The following TERB1 variants were observed in gnomAD, a reference collection of about 807,000 sequenced individuals.
The protein encoded by TERB1 is telomere repeats-binding bouquet formation protein 1.
In TERB1, 63 loss-of-function variants were observed where a neutral mutation model predicts 92.3. The observed-to-expected ratio is 0.68, with a 90% confidence interval of 0.56 to 0.84. The LOEUF is 0.84. Among genes scored for constraint, TERB1 ranks in the 40% least tolerant of loss-of-function variants. The pLI is 0.00. For synonymous variants in TERB1, 252 were observed against 283.9 expected (o/e 0.89, Z 1.13); for missense variants, 709 against 843.7 (o/e 0.84, Z 1.98).
intron 14 of TERB1, among the ~76,000 whole-genome samples, chr16:66,768,688 T>G (rs1051034228): frequency 6.6e-6 from 1 of 152,242 alleles, no homozygotes; most frequent in African/African-American, 2.4e-5. Flanking sequence ...ATAGCAGGCA[T>G]AGCAGTAGCT....
At position 66,759,279 on chromosome 16, in the gene TERB1, C is replaced by T; in HGVS notation, c.1792G>A (p.Val598Ile). ...LTYRCSGCIA[V>I]EKSLNSRNFS... ...TTTCGGCTATTCAGGGATTTTTCTA[C>T]TGCTATGCAACCTAAAAGAAAACAA... is the stretch of plus-strand genomic sequence containing the variant. The change falls in exon 17 of 19, where the codon GTA becomes ATA. Residue 598 changes from valine to isoleucine, a missense_variant. By Grantham distance (29) the Val-to-Ile change is conservative. Coordinates refer to ENST00000433154, the MANE Select transcript of TERB1 (RefSeq NM_001136505.2). 1 of 1,538,670 alleles carries T rather than the reference C, an allele frequency of 6.5e-7. No homozygotes were observed. Among genetic ancestry groups the T allele is most frequent in the South Asian group, 1.2e-5 (1 of 80,720 alleles).
chr16:66,787,283 CTT>C (rs58213946), intron 6 of TERB1, among the ~76,000 whole-genome samples: 91 of 137,858 alleles, frequency 6.6e-4, no homozygotes, highest in South Asian at 5.5e-3. Flanking sequence ...TTTTCTTTTT[CTT>C]TTTTTTTTTT....
intron 16 of TERB1, among the ~76,000 whole-genome samples, chr16:66,760,605 G>A (rs1426057928): frequency 7.5e-6 from 1 of 133,562 alleles, no homozygotes; most frequent in Non-Finnish European, 1.6e-5. Flanking sequence ...GGCCAATATG[G>A]TGAAACCCCA....
Position 66,755,014 on chromosome 16 carries a change from G to A in TERB1, c.2146C>T (p.His716Tyr). ...CACGTGGGGTGTTTGGTCAGCTTGT[G>A]GTATTTGTGAGCAAGGTCCACAGCC... is the stretch of plus-strand genomic sequence containing the variant. ...RKAVDLAHKYHKLTKHPTCAA... is the reference protein window; with the variant it reads ...RKAVDLAHKYYKLTKHPTCAA... The change falls in exon 19 of 19, where the codon CAC (histidine) becomes TAC (tyrosine). Residue 716 changes from histidine to tyrosine, a missense_variant. Coordinates refer to ENST00000433154, the MANE Select transcript of TERB1 (RefSeq NM_001136505.2). The A allele has an allele frequency of 6.4e-7, 1 of 1,551,326 alleles. No homozygotes were observed. The highest frequency in any genetic ancestry group is 1.2e-5 in the South Asian group (1 of 83,978).
chr16:66,758,531 A>T, intron 18 of TERB1: 1 of 347,736 alleles, frequency 2.9e-6, no homozygotes, highest in South Asian at 3.2e-5. Flanking sequence ...ACTTGAGGTC[A>T]GGAGTTTGAG....
At chr16:66,784,494 G>A (rs2018689304) in intron 9 of TERB1, among the ~76,000 whole-genome samples, 1 of 151,694 alleles carries the variant, frequency 6.6e-6, no homozygotes, top group African/African-American at 2.4e-5. Flanking sequence ...ACCACACCAG[G>A]CTAATTTTTT....
intron 2 of TERB1, among the ~76,000 whole-genome samples, chr16:66,800,393 T>TTTTG (rs1959240445): frequency 1.8e-5 from 1 of 56,946 alleles, no homozygotes; most frequent in East Asian, 1.5e-3. Flanking sequence ...ATAAAGAAAG[T>TTTTG]TTTTTTTTTT....
At chr16:66,801,949 T>C (rs1326224347), upstream of TERB1, among the ~76,000 whole-genome samples, 2 of 152,164 alleles carry the variant, frequency 1.3e-5, no homozygotes, top group African/African-American at 4.8e-5. Flanking sequence ...GTTGGGCACC[T>C]CGCTAATCGT....
intron 11 of TERB1, among the ~76,000 whole-genome samples, chr16:66,776,067 C>T (rs969613664): frequency 6.6e-6 from 1 of 152,004 alleles, no homozygotes; most frequent in Non-Finnish European, 1.5e-5. Flanking sequence ...CGGTGGCTCA[C>T]ACCTGTAGTC....
chr16:66,788,321 A>G, intron 5 of TERB1, 24 bp from the exon 6 acceptor site: 1 of 1,459,162 alleles, frequency 6.9e-7, no homozygotes, highest in Admixed American at 3.2e-5. Context: ...TATAATTTTA[A>G]TTTCAATGCA....
At chr16:66,781,509 G>A (rs2018635508) in intron 9 of TERB1, among the ~76,000 whole-genome samples, 1 of 147,458 alleles carries the variant, frequency 6.8e-6, no homozygotes, top group South Asian at 2.1e-4. Context: ...CAAGTTTCTG[G>A]GTACAAATTC....
intron 14 of TERB1, 63 bp from the exon 15 acceptor site, chr16:66,768,231 T>C: frequency 7.9e-7 from 1 of 1,259,178 alleles, no homozygotes; most frequent in Non-Finnish European, 1.1e-6. Flanking sequence ...CGGACCAATG[T>C]TTCTGTAAGC....
chr16:66,769,053 C>T (rs969246312), intron 14 of TERB1, among the ~76,000 whole-genome samples: 8 of 150,320 alleles, frequency 5.3e-5, no homozygotes, highest in East Asian at 2.0e-4. Flanking sequence ...TGCGGTGAGC[C>T]GAGATCATGC....
intron 9 of TERB1, among the ~76,000 whole-genome samples, chr16:66,785,042 G>A (rs1176250708): frequency 1.6e-5 from 2 of 122,724 alleles, no homozygotes; most frequent in Non-Finnish European, 1.7e-5. Context: ...TTTTTTTTGA[G>A]ACAGTCTCTT....
At chr16:66,759,095 G>T (rs1348125539) in intron 17 of TERB1, 46 bp downstream of exon 17, 8 of 1,407,788 alleles carry the variant, frequency 5.7e-6, no homozygotes, top group Non-Finnish European at 7.7e-6. Flanking sequence ...TAATAGTTCA[G>T]AAGGTATAGC....
chr16:66,796,480 T>C (rs1161925061), intron 3 of TERB1, among the ~76,000 whole-genome samples: 1 of 152,256 alleles, frequency 6.6e-6, no homozygotes. Flanking sequence ...AATTCTGAAA[T>C]CTGTACCTGC....
intron 2 of TERB1, among the ~76,000 whole-genome samples, chr16:66,798,128 A>G (rs989428941): frequency 6.6e-6 from 1 of 151,864 alleles, no homozygotes; most frequent in African/African-American, 2.4e-5. Flanking sequence ...GAAATAACAA[A>G]TGTAAAAATC....
intron 3 of TERB1, among the ~76,000 whole-genome samples, chr16:66,795,360 C>G (rs1445981030): frequency 6.6e-6 from 1 of 152,236 alleles, no homozygotes; most frequent in East Asian, 1.9e-4. Context: ...TCTAAACTGG[C>G]TCCCAGTTTC....
chr16:66,777,123 T>C (rs1200015788), intron 11 of TERB1, 80 bp downstream of exon 11: 2 of 1,344,082 alleles, frequency 1.5e-6, no homozygotes, highest in African/African-American at 3.4e-5. Context: ...GACCTTCACA[T>C]AACTGGAAGA....
Sources: allele counts gnomAD v4.1 joint callset (sites outside exome capture counted in the v4.1 genomes callset), GRCh38; gene constraint gnomAD v4.1.1; transcripts MANE v1.5; gene names NCBI Gene and HGNC (gene_info 2026-07-23, HGNC 2026-07-21).